Variants in CNBD2 observed in about 807,000 individuals in gnomAD.
The protein encoded by CNBD2 is cyclic nucleotide-binding domain-containing protein 2.
A neutral mutation model predicts 63.7 loss-of-function variants in CNBD2; 64 were observed. The observed-to-expected ratio is 1.00, with a 90% confidence interval of 0.82 to 1.24. CNBD2 has a LOEUF of 1.24. CNBD2 is among the 50% of genes most tolerant of loss of function. The pLI is 0.00. For missense variants in CNBD2, 691 were observed against 713.5 expected, an observed-to-expected ratio of 0.97 and a Z score of 0.36; for synonymous variants, 229 against 255.4, an observed-to-expected ratio of 0.90 and a Z score of 0.99.
intron 1 of CNBD2, among the ~76,000 whole-genome samples, chr20:35,970,497 A>G (rs2056397449): frequency 6.6e-6 from 1 of 151,890 alleles, no homozygotes; most frequent in African/African-American, 2.4e-5. Context: ...CCCAGGTTCA[A>G]GTGCTCCTGG....
intron 11 of CNBD2, among the ~76,000 whole-genome samples, chr20:36,024,078 A>G (rs1326980046): frequency 1.3e-5 from 2 of 152,196 alleles, no homozygotes; most frequent in African/African-American, 4.8e-5. Flanking sequence ...GCTCACGCCT[A>G]TAATCCCAGC....
intron 11 of CNBD2, among the ~76,000 whole-genome samples, chr20:36,024,060 G>A (rs1005137906): frequency 1.3e-5 from 2 of 152,230 alleles, no homozygotes; most frequent in Middle Eastern, 3.2e-3. Flanking sequence ...GCAGGGTTGG[G>A]TGCGATGGCT....
chr20:36,022,206 T>C (rs559412109), intron 10 of CNBD2, among the ~76,000 whole-genome samples: 4,753 of 125,592 alleles, frequency 0.038, 386 homozygotes, highest in African/African-American at 0.15. Context: ...TTTTTTTTTT[T>C]TTTTTTTTTT....
At chr20:35,987,300 C>T in intron 6 of CNBD2, 95 bp from the exon 7 acceptor site, 2 of 1,411,358 alleles carry the variant, frequency 1.4e-6, no homozygotes, top group Admixed American at 1.8e-5. Flanking sequence ...CCCAGGCATC[C>T]TCCACAGGAG....
At position 35,972,648 on chromosome 20, in the gene CNBD2, T is replaced by G. The variant is rs756588502; in HGVS notation, c.71T>G (p.Met24Arg). The G allele has an allele frequency of 6.2e-7, 1 of 1,614,042 alleles. No individual in the cohort carries two copies. The highest frequency in any genetic ancestry group is 8.5e-7 in the Non-Finnish European group (1 of 1,180,014). Reference sequence around the variant, plus strand: ...CCATAGGGACTGTACCAGCTCGCCATGGATATCATCATAATGATCCGAGTG... The same window carrying G: ...CCATAGGGACTGTACCAGCTCGCCAGGGATATCATCATAATGATCCGAGTG... Reference protein sequence around the residue: ...KKELGLYQLAMDIIIMIRVCK... With the variant: ...KKELGLYQLARDIIIMIRVCK... The change falls in exon 2 of 12, where the codon ATG (methionine) becomes AGG (arginine). Residue 24 changes from methionine to arginine, a missense_variant. Physicochemically the swap from Met to Arg is moderately conservative, Grantham distance 91. Transcript: ENST00000373973.
At chr20:35,969,091 G>A (rs866614033) in intron 1 of CNBD2, among the ~76,000 whole-genome samples, 22 of 152,314 alleles carry the variant, frequency 1.4e-4, no homozygotes, top group Admixed American at 4.6e-4. Context: ...GGAGGATAGA[G>A]TCAGGGTAGC....
At chr20:36,027,809 G>T (rs1279174624) in intron 11 of CNBD2, among the ~76,000 whole-genome samples, 2 of 151,916 alleles carry the variant, frequency 1.3e-5, no homozygotes, top group African/African-American at 2.4e-5. Context: ...CCAAGTAGAT[G>T]GGATTACAGG....
chr20:35,965,786 T>C (rs1429543918), upstream of CNBD2, among the ~76,000 whole-genome samples: 1 of 152,210 alleles, frequency 6.6e-6, no homozygotes, highest in Non-Finnish European at 1.5e-5. Context: ...TGAGTGGATA[T>C]AATTTCAGGC....
intron 3 of CNBD2, 36 bp from the exon 4 acceptor site, chr20:35,980,423 T>G: frequency 6.2e-7 from 1 of 1,609,778 alleles, no homozygotes; most frequent in Non-Finnish European, 8.5e-7. Context: ...GTGAAATTGC[T>G]GGGTCCCCTG....
At chr20:35,991,682 G>A (rs958244713) in intron 7 of CNBD2, among the ~76,000 whole-genome samples, 14 of 152,152 alleles carry the variant, frequency 9.2e-5, no homozygotes, top group South Asian at 4.2e-4. Flanking sequence ...GGCAGAAAGC[G>A]GGGGGTGGTT....
upstream of CNBD2, among the ~76,000 whole-genome samples, chr20:35,963,595 C>T (rs1482886737): frequency 2.6e-5 from 4 of 151,886 alleles, no homozygotes; most frequent in Non-Finnish European, 5.9e-5. Flanking sequence ...AAGCCAGGGT[C>T]GTGCCACTGC....
intron 10 of CNBD2, 74 bp from the exon 11 acceptor site, chr20:36,023,528 G>GA (rs11477706): frequency 2.4e-5 from 31 of 1,310,208 alleles, no homozygotes; most frequent in Non-Finnish European, 2.7e-5. Context: ...AAAAATAAAA[G>GA]AAAAAAAAGA....
chr20:35,998,667 G>A (rs950607898), intron 8 of CNBD2, among the ~76,000 whole-genome samples: 10 of 151,704 alleles, frequency 6.6e-5, no homozygotes, highest in Admixed American at 3.9e-4. Context: ...TCAGGAGTTC[G>A]AGACCAGCCT....
At chr20:36,010,198 T>C (rs76548407) in intron 9 of CNBD2, among the ~76,000 whole-genome samples, 3 of 152,114 alleles carry the variant, frequency 2.0e-5, no homozygotes, top group African/African-American at 7.2e-5. Context: ...CTCCCCCTGC[T>C]ACTTTTGAAA....
intron 3 of CNBD2, among the ~76,000 whole-genome samples, chr20:35,977,109 C>T (rs1470414299): frequency 2.0e-5 from 3 of 152,164 alleles, no homozygotes; most frequent in African/African-American, 4.8e-5. Context: ...TTCCTTCAGG[C>T]AGGAGAAACT....
chr20:35,979,449 G>A (rs2056566401), intron 3 of CNBD2, among the ~76,000 whole-genome samples: 1 of 152,212 alleles, frequency 6.6e-6, no homozygotes, highest in Non-Finnish European at 1.5e-5. Flanking sequence ...GTAGAAACAA[G>A]GTCTTGCTAT....
intron 2 of CNBD2, chr20:35,974,987 T>TA (rs2056480349): frequency 6.6e-6 from 1 of 151,172 alleles, no homozygotes; most frequent in Non-Finnish European, 1.5e-5. Context: ...TTCTTTTTTT[T>TA]ATTTTTTTTA....
At chr20:36,014,210 G>A (rs73095591) in intron 10 of CNBD2, among the ~76,000 whole-genome samples, 4,405 of 146,934 alleles carry the variant, frequency 0.03, 106 homozygotes, top group Middle Eastern at 0.045. Context: ...ATATGTATAG[G>A]TATGGGTGGA....
upstream of CNBD2, among the ~76,000 whole-genome samples, chr20:35,967,055 A>G (rs143490698): frequency 4.9e-4 from 74 of 152,256 alleles, no homozygotes; most frequent in Non-Finnish European, 9.1e-4. Context: ...AACCAAAAGT[A>G]TGCCTGCCAG....
Sources: gnomAD v4.1 joint callset for allele counts (sites outside exome capture counted in the v4.1 genomes callset) on GRCh38, gnomAD v4.1.1 for gene constraint, MANE v1.5 for transcripts, NCBI Gene and HGNC (gene_info 2026-07-23, HGNC 2026-07-21) for gene names.